Variants in TGFBR3 observed in about 807,000 individuals in gnomAD.
TGFBR3 encodes transforming growth factor beta receptor 3.
In TGFBR3, 46 loss-of-function variants were observed where a neutral mutation model predicts 87.9. That is an observed-to-expected ratio of 0.52 (90% CI 0.41 to 0.67). The LOEUF (loss-of-function observed/expected upper bound fraction) is 0.67, where lower values mean the gene tolerates loss of function less well. Ranked by LOEUF, TGFBR3 falls within the 30% of genes least tolerant of loss-of-function variation. TGFBR3 has a pLI of 0.00. For missense variants in TGFBR3, 866 were observed against 1,041.9 expected, an observed-to-expected ratio of 0.83 and a Z score of 2.32; for synonymous variants, 381 against 391.6, an observed-to-expected ratio of 0.97 and a Z score of 0.32.
At chr1:91,870,975 G>A (rs888244015) in intron 1 of TGFBR3, among the ~76,000 whole-genome samples, 3 of 151,792 alleles carry the variant, frequency 2.0e-5, no homozygotes, top group Non-Finnish European at 4.4e-5. Flanking sequence ...GTTCAAGGCT[G>A]CAAGTGAGCT....
rs1359305801 is a variant in TGFBR3, at chr1:91,716,614, A to C, written c.1661T>G (p.Met554Arg). The C allele has an allele frequency of 6.2e-7, 1 of 1,614,016 alleles. No individual in the cohort carries two copies. Among genetic ancestry groups the C allele is most frequent in the South Asian group, 1.1e-5 (1 of 91,084 alleles). Residue 554 changes from methionine to arginine, a missense_variant, in exon 11 of 17, where the codon ATG becomes AGG. Transcript: ENST00000212355. ...GAACAGGGAAGCATCTCCTTCATCC[A>C]TATCTCCCGGAAATCCATTATCACC... Reference protein sequence around the residue: ...ESGDNGFPGDMDEGDASLFTR... With the variant: ...ESGDNGFPGDRDEGDASLFTR...
chr1:91,903,755 A>G (rs1434747212), intron 1 of TGFBR3, among the ~76,000 whole-genome samples: 1 of 152,206 alleles, frequency 6.6e-6, no homozygotes, highest in African/African-American at 2.4e-5. Context: ...GGCTCATAGC[A>G]GGAATAAGCT....
intron 1 of TGFBR3, among the ~76,000 whole-genome samples, chr1:91,879,021 C>A (rs192890532): frequency 6.6e-6 from 1 of 152,208 alleles, no homozygotes; most frequent in East Asian, 1.9e-4. Flanking sequence ...GTAATCCCTG[C>A]ACTTTGGGAG....
intron 16 of TGFBR3, among the ~76,000 whole-genome samples, chr1:91,684,210 C>T (rs894557666): frequency 1.3e-5 from 2 of 152,096 alleles, no homozygotes; most frequent in African/African-American, 4.8e-5. Flanking sequence ...CTGACCAGCA[C>T]CTGTATTCAG....
At chr1:91,885,526 C>T (rs963008709) in intron 1 of TGFBR3, among the ~76,000 whole-genome samples, 1 of 152,202 alleles carries the variant, frequency 6.6e-6, no homozygotes, top group South Asian at 2.1e-4. Flanking sequence ...GAAGCTGTCA[C>T]GCGCCCGGAG....
chr1:91,823,321 G>A (rs916457591), intron 2 of TGFBR3, among the ~76,000 whole-genome samples: 8 of 152,176 alleles, frequency 5.3e-5, no homozygotes, highest in East Asian at 1.9e-4. Flanking sequence ...GAAGAACTGC[G>A]TGGCAAGTTC....
chr1:91,806,314 A>T (rs1008664252), intron 2 of TGFBR3, among the ~76,000 whole-genome samples: 65 of 152,202 alleles, frequency 4.3e-4, no homozygotes, highest in African/African-American at 1.5e-3. Context: ...TCAGTTACAG[A>T]ACCCCCACAT....
intron 2 of TGFBR3, among the ~76,000 whole-genome samples, chr1:91,808,032 GA>G (rs1158895907): frequency 1.3e-5 from 2 of 152,148 alleles, no homozygotes; most frequent in Non-Finnish European, 2.9e-5. Context: ...AAAACTTTTA[GA>G]ATGATTAATA....
At chr1:91,698,924 G>C (rs1671521995) in intron 14 of TGFBR3, among the ~76,000 whole-genome samples, 1 of 151,960 alleles carries the variant, frequency 6.6e-6, no homozygotes, top group South Asian at 2.1e-4. Flanking sequence ...GATTATCACA[G>C]AGGCCCCCTT....
At chr1:91,793,696 C>T (rs1293844773) in intron 3 of TGFBR3, among the ~76,000 whole-genome samples, 3 of 151,034 alleles carry the variant, frequency 2.0e-5, no homozygotes, top group Admixed American at 1.3e-4. Context: ...ATCCCAGCTA[C>T]TCAGGTGGCT....
chr1:91,703,562 C>G (rs1215965593), intron 14 of TGFBR3, among the ~76,000 whole-genome samples: 1 of 152,162 alleles, frequency 6.6e-6, no homozygotes, highest in East Asian at 1.9e-4. Context: ...ACATCCACAT[C>G]CATGCTCTTC....
chr1:91,745,392 C>T lies in TGFBR3; in HGVS notation c.385-10433G>A, dbSNP rs551240313. Reference sequence around the variant, plus strand: ...TCAGAAACACCTGCCATGCCAAGAACTTGCTGGCTCAGTTCCAGGGGGAAA... The same window carrying T: ...TCAGAAACACCTGCCATGCCAAGAATTTGCTGGCTCAGTTCCAGGGGGAAA... On this transcript the variant is annotated intron_variant, in intron 4 of 16. Coordinates refer to ENST00000212355, the MANE Select transcript of TGFBR3 (RefSeq NM_003243.5). Among the ~76,000 whole-genome samples the T allele has an allele frequency of 9.2e-5, 14 of 152,348 alleles. No homozygotes were observed. The South Asian group carries it at 1.9e-3, about 20-fold the overall frequency.
At chr1:91,781,082 C>T (rs1281310278) in intron 3 of TGFBR3, among the ~76,000 whole-genome samples, 1 of 152,114 alleles carries the variant, frequency 6.6e-6, no homozygotes, top group Non-Finnish European at 1.5e-5. Flanking sequence ...TTGTCCTATA[C>T]CCTTTTAAGT....
intron 2 of TGFBR3, among the ~76,000 whole-genome samples, chr1:91,800,029 G>A (rs889314063): frequency 2.0e-5 from 3 of 151,724 alleles, no homozygotes; most frequent in Non-Finnish European, 4.4e-5. Context: ...TCAGTCCAAG[G>A]TCAAAGAAAA....
At chr1:91,763,726 T>C (rs1249719014) in intron 3 of TGFBR3, among the ~76,000 whole-genome samples, 1 of 152,200 alleles carries the variant, frequency 6.6e-6, no homozygotes, top group Non-Finnish European at 1.5e-5. Flanking sequence ...AGGGTCCCAC[T>C]GAACTCAAAT....
intron 7 of TGFBR3, among the ~76,000 whole-genome samples, chr1:91,723,292 G>C (rs1672433349): frequency 6.6e-6 from 1 of 151,676 alleles, no homozygotes; most frequent in Non-Finnish European, 1.5e-5. Flanking sequence ...GACGAGCTTG[G>C]GTAACACAGG....
chr1:91,884,947 C>A (rs1265175129), intron 1 of TGFBR3, among the ~76,000 whole-genome samples: 1 of 152,264 alleles, frequency 6.6e-6, no homozygotes, highest in Non-Finnish European at 1.5e-5. Context: ...TCCTACTATC[C>A]TCTGCCCTCG....
intron 2 of TGFBR3, among the ~76,000 whole-genome samples, chr1:91,841,184 T>C (rs541480784): frequency 1.3e-5 from 2 of 152,216 alleles, no homozygotes; most frequent in Non-Finnish European, 2.9e-5. Flanking sequence ...TCAGTCACTC[T>C]TTCACATCAA....
At chr1:91,717,243 A>G (rs995360374) in intron 10 of TGFBR3, among the ~76,000 whole-genome samples, 1 of 152,074 alleles carries the variant, frequency 6.6e-6, no homozygotes, top group Admixed American at 6.5e-5. Context: ...GAGTTGTAGA[A>G]AGTTTGGTTG....
Sources: allele counts gnomAD v4.1 joint callset (sites outside exome capture counted in the v4.1 genomes callset), GRCh38; gene constraint gnomAD v4.1.1; transcripts MANE v1.5; gene names NCBI Gene and HGNC (gene_info 2026-07-23, HGNC 2026-07-21).